PTAFR: variants seen among roughly 807,000 people sequenced by gnomAD.
The protein encoded by PTAFR is platelet activating factor receptor.
A neutral mutation model predicts 14.7 loss-of-function variants in PTAFR; 8 were observed. The observed-to-expected ratio is 0.54, with a 90% CI of 0.32 to 0.98. PTAFR has a LOEUF of 0.98. PTAFR is among the 50% of genes least tolerant of loss of function. The pLI is 0.04. For missense variants in PTAFR, 337 were observed against 451.2 expected (o/e 0.75, Z 2.29); for synonymous variants, 156 against 176.5 (o/e 0.88, Z 0.92).
chr1:28,173,369 G>A (rs906626120), intron 1 of PTAFR, among the ~76,000 whole-genome samples: 1 of 151,848 alleles, frequency 6.6e-6, no homozygotes, highest in African/African-American at 2.4e-5. Flanking sequence ...ACTTTGGGAG[G>A]CCAAGGCAGG....
At chr1:28,189,729 G>C (rs1646637049) in intron 1 of PTAFR, among the ~76,000 whole-genome samples, 2 of 146,372 alleles carry the variant, frequency 1.4e-5, no homozygotes, top group South Asian at 4.6e-4. Flanking sequence ...GCAGTGGCAT[G>C]ATCTTGGCTC....
intron 1 of PTAFR, among the ~76,000 whole-genome samples, chr1:28,175,235 GCAAT>G (rs746887925): frequency 1.5e-4 from 23 of 152,128 alleles, no homozygotes; most frequent in African/African-American, 5.5e-4. Context: ...ATTTTAACCT[GCAAT>G]CTGCAAAGGA....
rs1301719319 is a variant in PTAFR at position 28,149,242 on chromosome 1, G to GC, written c.*750dup. The stretch of plus-strand genomic sequence containing the variant: ...TGGCAACATCTTAGCTCAAAAGTCT[G>GC]CCCCAAGGTAGTGCCATACAGTGAG... On this transcript the variant is annotated 3_prime_UTR_variant, in exon 2 of 2. Transcript: ENST00000373857. The GC allele has an allele frequency of 6.6e-6, 1 of 150,796 alleles. No individual in the cohort carries two copies. The highest frequency in any genetic ancestry group is 2.4e-5 in the African/African-American group (1 of 40,900). 9.3% of individuals were successfully genotyped at this position (150,796 alleles called of 1,614,324 possible). A position where few individuals can be genotyped will look rare whatever the true frequency, so the allele number is the denominator to read the frequency against.
intron 1 of PTAFR, among the ~76,000 whole-genome samples, chr1:28,192,597 C>T (rs1338775342): frequency 6.7e-6 from 1 of 150,172 alleles, no homozygotes; most frequent in African/African-American, 2.4e-5. Flanking sequence ...TTGTAAAAGC[C>T]TTGGTGTTTG....
At chr1:28,174,323 G>A (rs6679420) in intron 1 of PTAFR, among the ~76,000 whole-genome samples, 4,778 of 152,090 alleles carry the variant, frequency 0.031, 261 homozygotes, top group African/African-American at 0.11. Context: ...CAGGAAAGTG[G>A]GGGATGCCAC....
intron 1 of PTAFR, among the ~76,000 whole-genome samples, chr1:28,188,564 C>T (rs1646624777): frequency 6.6e-6 from 1 of 152,066 alleles, no homozygotes; most frequent in South Asian, 2.1e-4. Context: ...CGTGGTGAAA[C>T]CCCGTCTCTA....
intron 1 of PTAFR, among the ~76,000 whole-genome samples, chr1:28,186,700 G>A (rs1282702069): frequency 6.6e-6 from 1 of 152,126 alleles, no homozygotes. Flanking sequence ...TGAGGCAGGC[G>A]GGTCGCCTGA....
rs1367898148 is a variant in PTAFR, at chr1:28,148,152, T to C, written c.*1841A>G. 1 of 152,160 alleles carries C rather than the reference T, an allele frequency of 6.6e-6. No individual in the cohort carries two copies. Among genetic ancestry groups the C allele is most frequent in the African/African-American group, 2.4e-5 (1 of 41,416 alleles). The allele number at this position is 152,160 out of a possible 1,614,324, so 9.4% of individuals were successfully genotyped here. On this transcript the variant is annotated 3_prime_UTR_variant, in exon 2 of 2. Coordinates refer to ENST00000373857, the MANE Select transcript of PTAFR (RefSeq NM_000952.5). ...ACCAGAGAAGTTTCCTCTGAGCCCC[T>C]TGGGTCTGAGGCTGCCAGGTTCACA... is the stretch of plus-strand genomic sequence containing the variant.
intron 1 of PTAFR, among the ~76,000 whole-genome samples, chr1:28,193,247 G>C (rs568920863): frequency 2.6e-5 from 4 of 152,180 alleles, no homozygotes; most frequent in Admixed American, 2.6e-4. Context: ...TGAGTGGGTG[G>C]AGGGTCTTCC....
chr1:28,163,553 T>C (rs1646349262), intron 1 of PTAFR, among the ~76,000 whole-genome samples: 1 of 152,192 alleles, frequency 6.6e-6, no homozygotes, highest in Non-Finnish European at 1.5e-5. Context: ...ATACCTGGCT[T>C]ACCATTTACT....
intron 1 of PTAFR, among the ~76,000 whole-genome samples, chr1:28,160,792 C>T (rs1033658822): frequency 3.9e-5 from 6 of 151,954 alleles, no homozygotes; most frequent in Non-Finnish European, 7.4e-5. Context: ...TGGTGGAGTC[C>T]CTGCTTGACT....
chr1:28,150,641 C>T lies in PTAFR; in HGVS notation c.381G>A (p.Gln127=), dbSNP rs768907894. 6.2e-7 allele frequency: 1 copy of T among 1,614,154 alleles called. No individual in the cohort carries two copies. Residue 127 remains glutamine (Q), a synonymous_variant, in exon 2 of 2, where the codon CAG becomes CAA. Transcript: ENST00000373857. The surrounding 1 kb of genome is among the most constrained non-coding windows in gnomAD (Gnocchi z 6.3). ...QAVTRPIKTA[Q]ANTRKRGISL... is the part of the protein sequence containing the mutation. ...AGATGCCACGCTTGCGGGTGTTGGC[C>T]TGAGCAGTCTTGATGGGCCGAGTTA...
intron 1 of PTAFR, among the ~76,000 whole-genome samples, chr1:28,186,468 C>T (rs1299435494): frequency 6.6e-6 from 1 of 152,066 alleles, no homozygotes; most frequent in East Asian, 1.9e-4. Context: ...AATAGTTTTC[C>T]CAGAAAATTT....
chr1:28,159,558 C>T (rs996996287), intron 1 of PTAFR, among the ~76,000 whole-genome samples: 3 of 152,084 alleles, frequency 2.0e-5, no homozygotes, highest in African/African-American at 7.2e-5. Flanking sequence ...TTCGATTGAG[C>T]CAGGCACAGT....
At chr1:28,152,847 A>G (rs1646210237) in intron 1 of PTAFR, among the ~76,000 whole-genome samples, 1 of 152,262 alleles carries the variant, frequency 6.6e-6, no homozygotes, top group South Asian at 2.1e-4. Context: ...TTTGAATAGA[A>G]GATCTAGAAG....
rs1474856859 is a variant in PTAFR, at chr1:28,150,504, C to T, written c.518G>A (p.Cys173Tyr). 3 of 1,614,096 alleles carry T rather than the reference C, an allele frequency of 1.9e-6. No individual in the cohort carries two copies. The highest frequency in any genetic ancestry group is 2.5e-6 in the Non-Finnish European group (3 of 1,180,042). ...GCTGCCCTTCTCGTAATGCTCAAAG[C>T]AGCGAGTGACGTTGCCTGAGCCAGC... ...DSAGSGNVTR[C>Y]FEHYEKGSVP... The change falls in exon 2 of 2, where the codon TGC becomes TAC. Residue 173 changes from cysteine to tyrosine, a missense_variant. Coordinates refer to ENST00000373857, the MANE Select transcript of PTAFR (RefSeq NM_000952.5). This position sits in a 1 kb window ranked among gnomAD's most constrained non-coding sequence, Gnocchi z 6.3.
intron 1 of PTAFR, among the ~76,000 whole-genome samples, chr1:28,157,146 T>C (rs146737434): frequency 6.6e-6 from 1 of 152,310 alleles, no homozygotes; most frequent in East Asian, 1.9e-4. Context: ...TTTATTTTGT[T>C]TATTTATTTT....
At chr1:28,191,200 C>T (rs1457651893) in intron 1 of PTAFR, among the ~76,000 whole-genome samples, 3 of 152,190 alleles carry the variant, frequency 2.0e-5, no homozygotes, top group Non-Finnish European at 4.4e-5. Flanking sequence ...GGCCAGGCCT[C>T]GCGGGGGAGG....
chr1:28,169,784 G>A (rs1646431852), intron 1 of PTAFR, among the ~76,000 whole-genome samples: 1 of 152,166 alleles, frequency 6.6e-6, no homozygotes, highest in South Asian at 2.1e-4. Flanking sequence ...CAGATCACTT[G>A]AGGTAAGGAG....
Sources: allele counts gnomAD v4.1 joint callset (sites outside exome capture counted in the v4.1 genomes callset), GRCh38; gene constraint gnomAD v4.1.1; non-coding constraint Gnocchi (gnomAD v3.1); transcripts MANE v1.5; gene names NCBI Gene and HGNC (gene_info 2026-07-23, HGNC 2026-07-21).